Variants in SLC1A1 observed in about 807,000 individuals in gnomAD.
The protein encoded by SLC1A1 is excitatory amino acid transporter 3.
Under a neutral mutation model 53.3 loss-of-function variants are expected in SLC1A1, and 43 were observed. The observed-to-expected ratio is 0.81, with a 90% CI of 0.63 to 1.04. SLC1A1 has a LOEUF of 1.04. Among genes scored for constraint, SLC1A1 ranks in the 50% least tolerant of loss-of-function variants. SLC1A1 has a pLI of 0.00. For synonymous variants in SLC1A1, 307 were observed against 243.2 expected, an observed-to-expected ratio of 1.26 and a Z score of -2.44; for missense variants, 748 against 664.9, an observed-to-expected ratio of 1.12 and a Z score of -1.37.
Position 4,585,510 on chromosome 9 carries a change from A to C in SLC1A1, c.1527A>C (p.Ala509=). 1 of 1,614,238 alleles carries C rather than the reference A, an allele frequency of 6.2e-7. No individual in the cohort carries two copies. Among genetic ancestry groups the C allele is most frequent in the Non-Finnish European group, 8.5e-7 (1 of 1,180,042 alleles). ...AGTCTTATGTCAATGGAGGCTTTGC[A>C]GTAGACAAGTCTGACACCATCTCAT... ...TKKSYVNGGF[A]VDKSDTISFT... Residue 509 remains alanine, a synonymous_variant, in exon 12 of 12, where the codon GCA becomes GCC. Coordinates refer to ENST00000262352, the MANE Select transcript of SLC1A1 (RefSeq NM_004170.6).
intron 1 of SLC1A1, among the ~76,000 whole-genome samples, chr9:4,538,846 A>G (rs1041699828): frequency 5.3e-5 from 8 of 152,154 alleles, no homozygotes; most frequent in African/African-American, 9.7e-5. Flanking sequence ...CTATCCGTCT[A>G]TTTATCCACT....
intron 2 of SLC1A1, among the ~76,000 whole-genome samples, chr9:4,548,301 A>T (rs1817650420): frequency 6.6e-6 from 1 of 152,140 alleles, no homozygotes; most frequent in African/African-American, 2.4e-5. Flanking sequence ...GCCATTTCAC[A>T]TTGCAAATGC....
In SLC1A1 at chr9:4,549,743, C is replaced by T. The variant is rs2130887913; in HGVS notation, c.232+5036C>T. Among the ~76,000 whole-genome samples the T allele has an allele frequency of 6.6e-6, 1 of 152,326 alleles. No homozygotes were observed. Among genetic ancestry groups the T allele is most frequent in the South Asian group, 2.1e-4 (1 of 4,822 alleles). On this transcript the variant is annotated intron_variant, in intron 2 of 11. Transcript: ENST00000262352. The surrounding 1 kb of genome is among the most constrained non-coding windows in gnomAD (Gnocchi z 4.1). ...TCACGGCCACAGGGGGATAGCCTTT[C>T]CTCGTGGACCCCATCAGGAGCCTTC...
intron 4 of SLC1A1, among the ~76,000 whole-genome samples, chr9:4,564,921 T>G (rs1284116270): frequency 6.6e-6 from 1 of 152,250 alleles, no homozygotes; most frequent in Admixed American, 6.5e-5. Context: ...TTAGTGCATT[T>G]ATTCACCAAT....
intron 1 of SLC1A1, among the ~76,000 whole-genome samples, chr9:4,537,994 TAC>T (rs1816741355): frequency 6.6e-6 from 1 of 152,228 alleles, no homozygotes; most frequent in African/African-American, 2.4e-5. Context: ...TTCAGCAGAA[TAC>T]AGATTGTAAA....
chr9:4,578,080 T>C (rs1820730548), intron 10 of SLC1A1, among the ~76,000 whole-genome samples: 1 of 152,190 alleles, frequency 6.6e-6, no homozygotes, highest in South Asian at 2.1e-4. Context: ...AAATAGTAAA[T>C]ACTTTTTGAC....
chr9:4,552,390 G>A (rs1351663733), intron 2 of SLC1A1, among the ~76,000 whole-genome samples: 2 of 152,166 alleles, frequency 1.3e-5, no homozygotes, highest in East Asian at 1.9e-4. Flanking sequence ...AAGAGGGTGG[G>A]TATTCCAGGC....
intron 10 of SLC1A1, among the ~76,000 whole-genome samples, 169 bp from the exon 11 acceptor site, chr9:4,582,869 T>C (rs528020896): frequency 5.3e-4 from 80 of 152,294 alleles, no homozygotes; most frequent in Non-Finnish European, 7.2e-4. Context: ...ACAGCTCTAA[T>C]CCTGTAATGA....
At chr9:4,580,235 AAAAGAAAG>A (rs145533584) in intron 10 of SLC1A1, among the ~76,000 whole-genome samples, 8 of 149,432 alleles carry the variant, frequency 5.4e-5, no homozygotes, top group African/African-American at 9.9e-5. Context: ...CATCTCAAAG[AAAAGAAAG>A]AAAGAAAGAA....
intron 2 of SLC1A1, among the ~76,000 whole-genome samples, chr9:4,551,735 G>A (rs1817947627): frequency 6.6e-6 from 1 of 152,238 alleles, no homozygotes; most frequent in African/African-American, 2.4e-5. Context: ...CAGTCTGAGA[G>A]TGAACTTCTT....
chr9:4,570,784 C>G (rs1221839794), intron 6 of SLC1A1, among the ~76,000 whole-genome samples: 2 of 152,026 alleles, frequency 1.3e-5, no homozygotes, highest in Non-Finnish European at 2.9e-5. Context: ...TGGCATGCCC[C>G]CGTAGACCCA....
chr9:4,526,129 C>T (rs546244877), intron 1 of SLC1A1, among the ~76,000 whole-genome samples: 26 of 151,956 alleles, frequency 1.7e-4, no homozygotes, highest in African/African-American at 5.5e-4. Context: ...TACAACAAAA[C>T]AAAACAACAA....
intron 9 of SLC1A1, 30 bp downstream of exon 9, chr9:4,576,153 C>G: frequency 1.9e-6 from 3 of 1,607,950 alleles, no homozygotes; most frequent in Non-Finnish European, 2.6e-6. Flanking sequence ...CTGGAAGAAG[C>G]CTCCAGGCTC....
chr9:4,572,925 T>A (rs569461690), intron 7 of SLC1A1, among the ~76,000 whole-genome samples: 4 of 152,242 alleles, frequency 2.6e-5, no homozygotes, highest in Admixed American at 6.5e-5. Context: ...TCAACCATTG[T>A]CTTTTCCCTC....
rs1821281397 is a variant in SLC1A1 at position 4,583,355 on chromosome 9, A to G, written c.1328+183A>G. Among the ~76,000 whole-genome samples the G allele has an allele frequency of 6.6e-6, 1 of 152,156 alleles. No individual in the cohort carries two copies. The highest frequency in any genetic ancestry group is 1.5e-5 in the Non-Finnish European group (1 of 68,018). ...TAAAAATTAACTCCTCATAACGTGG[A>G]GCAGTGATTTTAAAAAGCCGGTGAG... On this transcript the variant is annotated intron_variant, in intron 11 of 11. Transcript: ENST00000262352. The surrounding 1 kb of genome is among the most constrained non-coding windows in gnomAD (Gnocchi z 4.6).
Position 4,583,612 on chromosome 9 carries a change from C to T in SLC1A1, c.1328+440C>T, listed in dbSNP as rs1821304018. On this transcript the variant is annotated intron_variant, in intron 11 of 11. Transcript: ENST00000262352. The surrounding 1 kb of genome is among the most constrained non-coding windows in gnomAD (Gnocchi z 4.6). ...GCACAAGCACTTGGGTTTGAATCTC[C>T]GTCCTGTGTCTTACCAGCTTCTTGA... Among the ~76,000 whole-genome samples the T allele has an allele frequency of 1.3e-5, 2 of 152,120 alleles. No individual in the cohort carries two copies. The highest frequency in any genetic ancestry group is 1.9e-4 in the East Asian group (1 of 5,190).
chr9:4,490,888 C>G (rs1444438358), intron 1 of SLC1A1, 118 bp downstream of exon 1: 3 of 798,558 alleles, frequency 3.8e-6, no homozygotes, highest in Non-Finnish European at 6.2e-6. Flanking sequence ...CCTCGATGCC[C>G]CCTCGGCCTT....
chr9:4,563,042 G>A (rs1361487948), intron 3 of SLC1A1, among the ~76,000 whole-genome samples: 4 of 150,258 alleles, frequency 2.7e-5, no homozygotes, highest in East Asian at 2.0e-4. Flanking sequence ...TGGGTGCAGC[G>A]CACCAGCATG....
chr9:4,576,139 G>A lies in SLC1A1; in HGVS notation c.998+16G>A. 1 of 1,612,408 alleles carries A rather than the reference G, an allele frequency of 6.2e-7. No individual in the cohort carries two copies. On this transcript the variant is annotated intron_variant, in intron 9 of 11. Transcript: ENST00000262352. ...TCTCTTCCAGGTAAACAGAAGAGGG[G>A]TTTCTGGAAGAAGCCTCCAGGCTCA...
Sources: gnomAD v4.1 joint callset for allele counts (sites outside exome capture counted in the v4.1 genomes callset) on GRCh38, gnomAD v4.1.1 for gene constraint, Gnocchi (gnomAD v3.1) non-coding constraint, MANE v1.5 for transcripts, NCBI Gene and HGNC (gene_info 2026-07-23, HGNC 2026-07-21) for gene names.